AUTS2: variants seen among roughly 807,000 people sequenced by gnomAD.
The protein encoded by AUTS2 is activator of transcription and developmental regulator AUTS2.
In AUTS2, 17 loss-of-function variants were observed where a neutral mutation model predicts 112.4. The ratio of observed to expected loss-of-function variants is 0.15; its 90% CI spans 0.10 to 0.23. The LOEUF (loss-of-function observed/expected upper bound fraction) is 0.23, where lower values mean the gene tolerates loss of function less well. AUTS2 is among the 10% of genes least tolerant of loss of function. The pLI, the probability that AUTS2 is intolerant of heterozygous loss-of-function variation, is 1.00. For missense variants in AUTS2, 1,510 were observed against 1,701.6 expected (o/e 0.89, Z 1.98); for synonymous variants, 751 against 702.7 (o/e 1.07, Z -1.09).
intron 4 of AUTS2, among the ~76,000 whole-genome samples, chr7:70,195,902 C>T (rs187971688): frequency 7.7e-4 from 117 of 151,528 alleles, no homozygotes; most frequent in African/African-American, 2.7e-3. Context: ...TAGATTCCTG[C>T]TCTTCCATGT....
chr7:70,067,259 A>G (rs1425177386), intron 2 of AUTS2, among the ~76,000 whole-genome samples: 4 of 152,216 alleles, frequency 2.6e-5, no homozygotes, highest in Admixed American at 6.5e-5. Context: ...CTGCCAGTCA[A>G]TAAAGTCTGG....
chr7:69,624,610 C>T (rs975534426), intron 1 of AUTS2, among the ~76,000 whole-genome samples: 12 of 152,162 alleles, frequency 7.9e-5, no homozygotes, highest in African/African-American at 2.2e-4. Flanking sequence ...CAGCCACCTG[C>T]CAGCAGCTAC....
chr7:69,790,748 G>A (rs1789577098), intron 1 of AUTS2, among the ~76,000 whole-genome samples: 1 of 152,214 alleles, frequency 6.6e-6, no homozygotes, highest in Non-Finnish European at 1.5e-5. Flanking sequence ...TTATAAAACT[G>A]TAAGGTCCAG....
intron 6 of AUTS2, among the ~76,000 whole-genome samples, chr7:70,738,996 T>C (rs986355345): frequency 1.2e-4 from 16 of 133,662 alleles, no homozygotes; most frequent in African/African-American, 4.3e-4. Flanking sequence ...CCACGAGGTT[T>C]TGAGGCCTTT....
chr7:69,859,243 T>C (rs1393017524), intron 1 of AUTS2, among the ~76,000 whole-genome samples: 1 of 152,130 alleles, frequency 6.6e-6, no homozygotes, highest in African/African-American at 2.4e-5. Flanking sequence ...TAAAAGGAAA[T>C]AGAAATAAAG....
intron 2 of AUTS2, among the ~76,000 whole-genome samples, chr7:70,087,939 G>A (rs1472448465): frequency 1.3e-5 from 2 of 151,618 alleles, no homozygotes; most frequent in Non-Finnish European, 2.9e-5. Flanking sequence ...GTAACATTTG[G>A]TAGTTTGTAT....
chr7:69,728,051 T>C (rs376325283), intron 1 of AUTS2, among the ~76,000 whole-genome samples: 12 of 152,240 alleles, frequency 7.9e-5, no homozygotes, highest in African/African-American at 2.9e-4. Context: ...GATACTGTCA[T>C]GGATTGCTGG....
At chr7:70,696,023 A>AT (rs111546463) in intron 5 of AUTS2, among the ~76,000 whole-genome samples, 2,083 of 149,896 alleles carry the variant, frequency 0.014, 41 homozygotes, top group African/African-American at 0.048. Flanking sequence ...TTGAATAATA[A>AT]TTTTTTTTAA....
chr7:70,353,165 A>G (rs1328815292), intron 4 of AUTS2, among the ~76,000 whole-genome samples: 2 of 152,186 alleles, frequency 1.3e-5, no homozygotes, highest in African/African-American at 2.4e-5. Flanking sequence ...CGGTTCCACC[A>G]TAGCCAACAG....
At chr7:70,279,174 A>C (rs1788084927) in intron 4 of AUTS2, among the ~76,000 whole-genome samples, 2 of 152,172 alleles carry the variant, frequency 1.3e-5, no homozygotes, top group South Asian at 4.1e-4. Flanking sequence ...CTGAAATCGG[A>C]AAGTTTCTGC....
At chr7:70,671,589 C>A (rs1178036585) in intron 5 of AUTS2, among the ~76,000 whole-genome samples, 1 of 152,216 alleles carries the variant, frequency 6.6e-6, no homozygotes, top group Non-Finnish European at 1.5e-5. Context: ...CAACACATTT[C>A]AAGGCTCTGC....
At chr7:70,324,017 C>T (rs1012176444) in intron 4 of AUTS2, among the ~76,000 whole-genome samples, 1 of 152,102 alleles carries the variant, frequency 6.6e-6, no homozygotes, top group Admixed American at 6.5e-5. Context: ...GGAGGACAGG[C>T]GTAAAGGCAG....
At chr7:69,629,400 G>A (rs1043175908) in intron 1 of AUTS2, among the ~76,000 whole-genome samples, 16 of 152,148 alleles carry the variant, frequency 1.1e-4, no homozygotes, top group African/African-American at 3.6e-4. Flanking sequence ...CTCAGCCAAC[G>A]GAGGTGGGAT....
At chr7:69,791,996 T>G (rs947566245) in intron 1 of AUTS2, among the ~76,000 whole-genome samples, 1 of 152,074 alleles carries the variant, frequency 6.6e-6, no homozygotes, top group Non-Finnish European at 1.5e-5. Flanking sequence ...GTGTTGGTGG[T>G]GGCTGTCGAT....
chr7:69,919,505 A>G (rs1795723561), intron 2 of AUTS2, among the ~76,000 whole-genome samples: 1 of 152,222 alleles, frequency 6.6e-6, no homozygotes, highest in African/African-American at 2.4e-5. Context: ...TTTATTGTGA[A>G]TATGTTCAGT....
intron 4 of AUTS2, among the ~76,000 whole-genome samples, chr7:70,182,416 G>A (rs945202909): frequency 1.3e-5 from 2 of 152,056 alleles, no homozygotes; most frequent in East Asian, 1.9e-4. Context: ...TATACCCTTC[G>A]TCTAAGTGTT....
chr7:70,106,990 A>G (rs1804799271), intron 2 of AUTS2, among the ~76,000 whole-genome samples: 1 of 152,174 alleles, frequency 6.6e-6, no homozygotes, highest in Non-Finnish European at 1.5e-5. Context: ...AAAAGTGGCA[A>G]TCTCGTCAGT....
At chr7:69,991,215 G>A (rs768805056) in intron 2 of AUTS2, among the ~76,000 whole-genome samples, 9 of 152,176 alleles carry the variant, frequency 5.9e-5, no homozygotes, top group Non-Finnish European at 1.2e-4. Context: ...CCTTCACTGC[G>A]TAGTAGTTTA....
chr7:69,795,784 G>A (rs1036242828), intron 1 of AUTS2, among the ~76,000 whole-genome samples: 1 of 152,172 alleles, frequency 6.6e-6, no homozygotes, highest in Non-Finnish European at 1.5e-5. Flanking sequence ...TGAGAGGAGA[G>A]CTTGTTATGT....
Sources: gnomAD v4.1 joint callset for allele counts (sites outside exome capture counted in the v4.1 genomes callset) on GRCh38, gnomAD v4.1.1 for gene constraint, MANE v1.5 for transcripts, NCBI Gene and HGNC (gene_info 2026-07-23, HGNC 2026-07-21) for gene names.